Variants in CACNA2D1 observed in about 807,000 individuals in gnomAD.
CACNA2D1 encodes the protein voltage-dependent calcium channel subunit alpha-2/delta-1.
In CACNA2D1, 53 loss-of-function variants were observed where a neutral mutation model predicts 171.5. The observed-to-expected ratio is 0.31, with a 90% CI of 0.25 to 0.39. CACNA2D1 has a LOEUF of 0.39. CACNA2D1 is among the 10% of genes least tolerant of loss of function. The pLI, the probability that CACNA2D1 is intolerant of heterozygous loss-of-function variation, is 1.00. For synonymous variants in CACNA2D1, 442 were observed against 443.1 expected (o/e 1.00, Z 0.03); for missense variants, 903 against 1,299.8 (o/e 0.69, Z 4.69).
intron 2 of CACNA2D1, among the ~76,000 whole-genome samples, chr7:82,345,857 C>T (rs1379885482): frequency 6.6e-6 from 1 of 151,978 alleles, no homozygotes; most frequent in African/African-American, 2.4e-5. Flanking sequence ...TCTGTTAATA[C>T]AGCTTTAATA....
intron 3 of CACNA2D1, among the ~76,000 whole-genome samples, chr7:82,300,976 G>C (rs1281634285): frequency 6.6e-6 from 1 of 152,116 alleles, no homozygotes; most frequent in East Asian, 1.9e-4. Flanking sequence ...TTTCACAAAG[G>C]AAGATTTGTT....
chr7:82,144,735 T>C (rs1181875244), intron 4 of CACNA2D1, among the ~76,000 whole-genome samples: 5 of 152,090 alleles, frequency 3.3e-5, no homozygotes, highest in Non-Finnish European at 7.4e-5. Context: ...ATCATTACCA[T>C]TTTTAAAATG....
intron 4 of CACNA2D1, among the ~76,000 whole-genome samples, chr7:82,163,108 G>A (rs185007886): frequency 6.6e-6 from 1 of 151,942 alleles, no homozygotes; most frequent in Non-Finnish European, 1.5e-5. Flanking sequence ...ATTATCTCTG[G>A]GAATACAGTG....
chr7:82,102,576 A>T (rs1812807650), intron 6 of CACNA2D1, among the ~76,000 whole-genome samples: 1 of 152,148 alleles, frequency 6.6e-6, no homozygotes, highest in Admixed American at 6.6e-5. Context: ...CTCATCCTAC[A>T]ACCCACTGCT....
In CACNA2D1 at chr7:81,970,721, G is replaced by T; in HGVS notation, c.2158C>A (p.Arg720=). 1 of 1,590,612 alleles carries T rather than the reference G, an allele frequency of 6.3e-7. No homozygotes were observed. The highest frequency in any genetic ancestry group is 1.1e-5 in the South Asian group (1 of 90,640). The change falls in exon 27 of 39, where the codon CGA becomes AGA. Residue 720 remains arginine, a synonymous_variant. Coordinates refer to ENST00000356860, the MANE Select transcript of CACNA2D1 (RefSeq NM_000722.4). The stretch of plus-strand genomic sequence containing the variant: ...ATCCCACCATCAGTCACAACAAATC[G>T]TGCTTTCACTCCCTTGCTGAAACAG... The part of the protein sequence containing the change: ...KQKNIKGVKA[R]FVVTDGGITR...
chr7:82,203,903 A>G (rs796324894), intron 3 of CACNA2D1, among the ~76,000 whole-genome samples: 2 of 152,200 alleles, frequency 1.3e-5, no homozygotes, highest in African/African-American at 2.4e-5. Context: ...TGGGACGCAC[A>G]GACATCCACT....
At chr7:82,038,038 GAAC>G (rs748028859) in intron 11 of CACNA2D1, 36 bp downstream of exon 11, 119 of 1,593,302 alleles carry the variant, frequency 7.5e-5, no homozygotes, top group Non-Finnish European at 8.0e-5. Context: ...TACTACAATT[GAAC>G]AACAACAACA....
intron 3 of CACNA2D1, among the ~76,000 whole-genome samples, chr7:82,196,105 A>G (rs1450444177): frequency 6.6e-6 from 1 of 152,010 alleles, no homozygotes; most frequent in East Asian, 1.9e-4. Context: ...CCCCCTACCC[A>G]CAGCCAACCA....
chr7:82,335,822 C>G (rs144686215), intron 2 of CACNA2D1, among the ~76,000 whole-genome samples: 228 of 152,028 alleles, frequency 1.5e-3, no homozygotes, highest in African/African-American at 5.4e-3. Context: ...TTTTTTTAAT[C>G]AAAGTAAATG....
intron 10 of CACNA2D1, among the ~76,000 whole-genome samples, chr7:82,042,357 T>C (rs572566483): frequency 6.6e-6 from 1 of 152,154 alleles, no homozygotes; most frequent in African/African-American, 2.4e-5. Flanking sequence ...TTAAAAACCT[T>C]AGAGCAAAAG....
intron 2 of CACNA2D1, among the ~76,000 whole-genome samples, chr7:82,338,143 C>T (rs958858772): frequency 3.3e-5 from 5 of 152,040 alleles, no homozygotes; most frequent in African/African-American, 1.2e-4. Flanking sequence ...ATAATCATCA[C>T]AATTATACAT....
chr7:82,274,046 T>G (rs956781166), intron 3 of CACNA2D1, among the ~76,000 whole-genome samples: 6 of 152,086 alleles, frequency 3.9e-5, no homozygotes, highest in Non-Finnish European at 8.8e-5. Flanking sequence ...CCCTCTGAAC[T>G]CTCCTTATAT....
At chr7:82,259,200 T>C (rs917652955) in intron 3 of CACNA2D1, among the ~76,000 whole-genome samples, 1 of 145,028 alleles carries the variant, frequency 6.9e-6, no homozygotes, top group African/African-American at 2.7e-5. Flanking sequence ...GATAGATAGA[T>C]GATAAAAGAC....
At chr7:82,156,659 TC>T (rs1171087839) in intron 4 of CACNA2D1, among the ~76,000 whole-genome samples, 1 of 150,818 alleles carries the variant, frequency 6.6e-6, no homozygotes, top group Non-Finnish European at 1.5e-5. Flanking sequence ...ATAAGAGAGA[TC>T]AATGTGCATA....
At chr7:82,031,247 T>C (rs937582341) in intron 12 of CACNA2D1, among the ~76,000 whole-genome samples, 1 of 151,866 alleles carries the variant, frequency 6.6e-6, no homozygotes, top group Non-Finnish European at 1.5e-5. Flanking sequence ...TAAAGGAGCC[T>C]ACAGTGGCAA....
chr7:82,386,757 A>C (rs537944590), intron 1 of CACNA2D1, among the ~76,000 whole-genome samples: 106 of 150,314 alleles, frequency 7.1e-4, no homozygotes, highest in Non-Finnish European at 1.4e-3. Context: ...TAAATAAATA[A>C]ATAAATAAAT....
chr7:82,287,846 T>G (rs1403170955), intron 3 of CACNA2D1, among the ~76,000 whole-genome samples: 3 of 139,496 alleles, frequency 2.2e-5, no homozygotes, highest in Non-Finnish European at 4.6e-5. Flanking sequence ...TTACTTTTTT[T>G]TGTTTTTTTT....
At chr7:82,016,241 C>A (rs1451109591) in intron 12 of CACNA2D1, among the ~76,000 whole-genome samples, 1 of 152,102 alleles carries the variant, frequency 6.6e-6, no homozygotes, top group Non-Finnish European at 1.5e-5. Flanking sequence ...ACCACCCTAA[C>A]TGATAATTCA....
intron 1 of CACNA2D1, among the ~76,000 whole-genome samples, chr7:82,423,701 A>G (rs1272484134): frequency 1.3e-5 from 2 of 152,210 alleles, no homozygotes; most frequent in Non-Finnish European, 2.9e-5. Context: ...AGAGCCTATC[A>G]CTTTCATGTA....
Sources: gnomAD v4.1 joint callset for allele counts (sites outside exome capture counted in the v4.1 genomes callset) on GRCh38, gnomAD v4.1.1 for gene constraint, MANE v1.5 for transcripts, NCBI Gene and HGNC (gene_info 2026-07-23, HGNC 2026-07-21) for gene names.